The following DMD variants were observed in gnomAD, a reference collection of about 807,000 sequenced individuals.
DMD encodes the protein dystrophin.
In DMD, 63 loss-of-function variants were observed where a neutral mutation model predicts 330.1. That is an observed-to-expected ratio of 0.19 (90% CI 0.16 to 0.24). The LOEUF is 0.24. Ranked by LOEUF, DMD falls within the 10% of genes least tolerant of loss-of-function variation. The pLI is 1.00. For synonymous variants in DMD, 1,223 were observed against 959.8 expected, an observed-to-expected ratio of 1.27 and a Z score of -5.07; for missense variants, 3,344 against 2,684.1, an observed-to-expected ratio of 1.25 and a Z score of -5.43.
intron 2 of DMD, among the ~76,000 whole-genome samples, chrX:32,969,174 C>T (rs1477428573): frequency 9.3e-6 from 1 of 107,990 alleles, no homozygotes; most frequent in Admixed American, 1.0e-4. Flanking sequence ...GACTCACCAG[C>T]CTCTAGAACT....
At chrX:32,083,671 G>T (rs755202354) in intron 44 of DMD, among the ~76,000 whole-genome samples, 1 of 112,682 alleles carries the variant, frequency 8.9e-6, no homozygotes, top group East Asian at 2.8e-4. Context: ...ACAGGGAAGT[G>T]CCACAAAACA....
intron 61 of DMD, among the ~76,000 whole-genome samples, chrX:31,329,452 T>C (rs1311566768): frequency 8.9e-6 from 1 of 111,836 alleles, no homozygotes; most frequent in East Asian, 2.8e-4. Flanking sequence ...GAAGGATAAA[T>C]GCTGTATGAC....
chrX:32,675,183 A>T, intron 9 of DMD, among the ~76,000 whole-genome samples: 1 of 111,503 alleles, frequency 9.0e-6, no homozygotes, highest in Admixed American at 9.6e-5. Flanking sequence ...CTTATTCATC[A>T]AATGGAATTT....
chrX:32,673,485 G>A (rs2061762782), intron 9 of DMD, among the ~76,000 whole-genome samples: 1 of 111,587 alleles, frequency 9.0e-6, no homozygotes, highest in Non-Finnish European at 1.9e-5. Context: ...CTCTGCCTGT[G>A]GCTTATAACG....
intron 51 of DMD, among the ~76,000 whole-genome samples, chrX:31,741,079 G>A (rs770279605): frequency 8.9e-5 from 10 of 111,782 alleles, no homozygotes; most frequent in Non-Finnish European, 1.3e-4. Context: ...CTCTGGATCC[G>A]CTGAAGTTTT....
At chrX:31,481,048 A>G (rs951986183) in intron 57 of DMD, among the ~76,000 whole-genome samples, 5 of 112,437 alleles carry the variant, frequency 4.4e-5, no homozygotes, top group Non-Finnish European at 9.4e-5. Context: ...CATAGGACAT[A>G]GTGCAGTATG....
At chrX:32,798,488 G>T (rs1443460285) in intron 7 of DMD, among the ~76,000 whole-genome samples, 2 of 112,143 alleles carry the variant, frequency 1.8e-5, no homozygotes, top group Non-Finnish European at 3.8e-5. Flanking sequence ...TCCCATCAGG[G>T]AAGAGGAAAT....
chrX:32,434,487 G>A (rs2038122), intron 29 of DMD, among the ~76,000 whole-genome samples: 35,619 of 110,672 alleles, frequency 0.32, 4,307 homozygotes, highest in East Asian at 0.72. Context: ...AAAATCAAGA[G>A]AATCATGGCC....
At chrX:31,310,545 CT>C (rs112774827) in intron 62 of DMD, among the ~76,000 whole-genome samples, 17,163 of 105,126 alleles carry the variant, frequency 0.16, 1,164 homozygotes, top group Admixed American at 0.22. Flanking sequence ...TTTCTTTCTT[CT>C]TTTTTTTTTA....
chrX:31,966,048 A>C (rs1441828730), intron 45 of DMD, among the ~76,000 whole-genome samples: 2 of 111,622 alleles, frequency 1.8e-5, no homozygotes, highest in African/African-American at 3.3e-5. Context: ...CCCTGGACTA[A>C]AAAATGTTAA....
chrX:32,612,676 A>G (rs763678867), intron 12 of DMD, among the ~76,000 whole-genome samples: 1 of 111,621 alleles, frequency 9.0e-6, no homozygotes, highest in Admixed American at 9.5e-5. Flanking sequence ...CGGTTAGAGA[A>G]CTAGCACTGT....
Position 32,770,322 on chromosome X carries a change from G to T in DMD, c.649+39171C>A, listed in dbSNP as rs184505838. Reference sequence around the variant, plus strand: ...AATTATCTGGGCAGCAGTTTTGGGGGATCATCCAGCAGAGAATGTAGAATT... The same window carrying T: ...AATTATCTGGGCAGCAGTTTTGGGGTATCATCCAGCAGAGAATGTAGAATT... On this transcript the variant is annotated intron_variant, in intron 7 of 78. Coordinates refer to ENST00000357033, the MANE Select transcript of DMD (RefSeq NM_004006.3). 8.1e-5 allele frequency among the ~76,000 whole-genome samples: 9 copies of T among 111,575 alleles called. No homozygotes were observed. In the East Asian group the frequency reaches 2.5e-3, roughly 32 times the overall value.
intron 2 of DMD, among the ~76,000 whole-genome samples, chrX:32,869,110 A>G (rs1208766024): frequency 1.8e-5 from 2 of 111,264 alleles, no homozygotes; most frequent in African/African-American, 6.5e-5. Flanking sequence ...TGCAGAAGGG[A>G]CCCAGGTGAA....
chrX:31,289,734 G>A (rs899151377), intron 62 of DMD, among the ~76,000 whole-genome samples: 3 of 110,645 alleles, frequency 2.7e-5, no homozygotes, highest in Non-Finnish European at 5.7e-5. Flanking sequence ...CATATTTTAC[G>A]ATATTCTTTT....
chrX:32,313,554 C>T lies in DMD; in HGVS notation c.5923-3278G>A, dbSNP rs1304374708. 1.8e-5 allele frequency among the ~76,000 whole-genome samples: 2 copies of T among 110,944 alleles called. 1 individual carries two copies. The highest frequency in any genetic ancestry group is 1.9e-4 in the Admixed American group (2 of 10,357). On this transcript the variant is annotated intron_variant, in intron 41 of 78. Coordinates refer to ENST00000357033, the MANE Select transcript of DMD (RefSeq NM_004006.3). ...ATAGTATTGGAAGTCCTGGCCAGGG[C>T]AATCAGGCAAGAGAAAGAAAGAAAG...
intron 61 of DMD, 148 bp from the exon 62 acceptor site, chrX:31,323,806 T>C (rs893826816): frequency 3.6e-6 from 2 of 551,640 alleles, no homozygotes; most frequent in African/African-American, 4.6e-5. Flanking sequence ...ATTAACCTGC[T>C]GTTCTGAAAT....
intron 60 of DMD, among the ~76,000 whole-genome samples, chrX:31,395,100 G>GCTGC (rs770634436): frequency 0.025 from 2,752 of 111,002 alleles, 33 homozygotes; most frequent in Non-Finnish European, 0.038. Context: ...CTCTAGTAGA[G>GCTGC]CTGCCAATCA....
intron 53 of DMD, among the ~76,000 whole-genome samples, chrX:31,668,051 G>A (rs5927796): frequency 0.16 from 17,426 of 110,993 alleles, 1,129 homozygotes; most frequent in East Asian, 0.35. Context: ...TGTGCTTATG[G>A]AGATCTATAC....
At chrX:32,490,652 T>A (rs1185771098) in intron 20 of DMD, among the ~76,000 whole-genome samples, 3 of 111,649 alleles carry the variant, frequency 2.7e-5, no homozygotes, top group African/African-American at 9.8e-5. Context: ...CATGAGGATC[T>A]GACTGTCTCC....
Sources: gnomAD v4.1 joint callset for allele counts (sites outside exome capture counted in the v4.1 genomes callset) on GRCh38, gnomAD v4.1.1 for gene constraint, MANE v1.5 for transcripts, NCBI Gene and HGNC (gene_info 2026-07-23, HGNC 2026-07-21) for gene names.